The following TBR1 variants were observed in gnomAD, a reference collection of about 807,000 sequenced individuals.
The protein encoded by TBR1 is T-box brain protein 1.
TBR1 carries 7 observed loss-of-function variants against 60.3 expected under a neutral mutation model. That is an observed-to-expected ratio of 0.12 (90% CI 0.07 to 0.22). TBR1 has a LOEUF of 0.22. Ranked by LOEUF, TBR1 falls within the 10% of genes least tolerant of loss-of-function variation. The pLI is 1.00. For missense variants in TBR1, 616 were observed against 936.8 expected, an observed-to-expected ratio of 0.66 and a Z score of 4.47; for synonymous variants, 417 against 409.9, an observed-to-expected ratio of 1.02 and a Z score of -0.21.
At position 161,424,112 on chromosome 2, in the gene TBR1, C is replaced by A; in HGVS notation, c.1934C>A (p.Thr645Lys). The A allele has an allele frequency of 6.2e-7, 1 of 1,612,398 alleles. No individual in the cohort carries two copies. The highest frequency in any genetic ancestry group is 8.5e-7 in the Non-Finnish European group (1 of 1,179,534). ...CGGAGGCGGATCTCGCCGGCCGACA[C>A]GCCCGTGTCCGAGAGTTCGTCCCCG... ...AKRRRISPAD[T>K]PVSESSSPLK... Residue 645 changes from threonine (T) to lysine (K), a missense_variant, in exon 6 of 6, where the codon ACG becomes AAG. Physicochemically the swap from Thr to Lys is moderately conservative, Grantham distance 78. Around this residue, in one of 8 missense-constraint regions of TBR1, gnomAD observed 210 missense variants for 297.4 expected, o/e 0.71. Coordinates refer to ENST00000389554, the MANE Select transcript of TBR1 (RefSeq NM_006593.4). The surrounding 1 kb of genome is among the most constrained non-coding windows in gnomAD (Gnocchi z 4.4).
At chr2:161,421,851 TC>T (rs1211716478) in intron 5 of TBR1, 1 of 152,026 alleles carries the variant, frequency 6.6e-6, no homozygotes, top group Non-Finnish European at 1.5e-5. Flanking sequence ...CACATGCCCC[TC>T]CTCCTCTGGC....
chr2:161,420,970 CCTTTT>C (rs1436345391), intron 5 of TBR1: 3 of 152,186 alleles, frequency 2.0e-5, no homozygotes, highest in Non-Finnish European at 4.4e-5. Context: ...ATGCTGGTGC[CCTTTT>C]CTTTAGGCCT....
intron 5 of TBR1, chr2:161,422,695 T>A (rs1016035850): frequency 3.3e-5 from 5 of 152,188 alleles, no homozygotes; most frequent in Non-Finnish European, 5.9e-5. Context: ...TTAGTAGAGG[T>A]GGGAGTGAAA....
chr2:161,419,157 A>G, intron 4 of TBR1, 107 bp downstream of exon 4: 3 of 1,529,000 alleles, frequency 2.0e-6, no homozygotes, highest in South Asian at 1.2e-5. Context: ...CGCTAACATC[A>G]GCAACAGCTG....
In TBR1 at chr2:161,417,587, C is replaced by T; in HGVS notation, c.693-89C>T. The T allele has an allele frequency of 2.7e-6, 4 of 1,497,642 alleles. No individual in the cohort carries two copies. Among genetic ancestry groups the T allele is most frequent in the Non-Finnish European group, 3.6e-6 (4 of 1,112,584 alleles). 92.8% of individuals were successfully genotyped at this position (1,497,642 alleles called of 1,614,324 possible). A position where few individuals can be genotyped will look rare whatever the true frequency, so the allele number is the denominator to read the frequency against. ...TGCTGCAAGTACAAGTTTTGCTTTG[C>T]TAACTGGCGCCCCGCTTCTTGCATT... On this transcript the variant is annotated intron_variant, in intron 1 of 5. Coordinates refer to ENST00000389554, the MANE Select transcript of TBR1 (RefSeq NM_006593.4). The surrounding 1 kb of genome is among the most constrained non-coding windows in gnomAD (Gnocchi z 5.3).
In TBR1 at chr2:161,416,708, T is replaced by G; in HGVS notation, c.298T>G (p.Ser100Ala). The change falls in exon 1 of 6, where the codon TCT becomes GCT. Residue 100 changes from serine (S) to alanine (A), a missense_variant. By Grantham distance (99) the Ser-to-Ala change is moderately conservative. Around this residue, in one of 8 missense-constraint regions of TBR1, gnomAD observed 211 missense variants for 268.7 expected, o/e 0.79. Coordinates refer to ENST00000389554, the MANE Select transcript of TBR1 (RefSeq NM_006593.4). This position sits in a 1 kb window ranked among gnomAD's most constrained non-coding sequence, Gnocchi z 6.1. ...VSELRHSFDG[S>A]AADRYLLSQS... ...TGAGCTTCGTCACAGTTTCGATGGC[T>G]CTGCTGCAGATCGCTACCTCCTCTC... 6.2e-7 allele frequency: 1 copy of G among 1,614,144 alleles called. No individual in the cohort carries two copies.
In TBR1 at chr2:161,424,122, C is replaced by A; in HGVS notation, c.1944C>A (p.Ser648=). 6.2e-7 allele frequency: 1 copy of A among 1,612,608 alleles called. No individual in the cohort carries two copies. The highest frequency in any genetic ancestry group is 1.1e-5 in the South Asian group (1 of 90,686). The change falls in exon 6 of 6, where the codon TCC becomes TCA. Residue 648 remains serine (S), a synonymous_variant. Transcript: ENST00000389554. The surrounding 1 kb of genome is among the most constrained non-coding windows in gnomAD (Gnocchi z 4.4). ...RRISPADTPV[S]ESSSPLKSEV... is the part of the protein sequence containing the mutation. ...TCTCGCCGGCCGACACGCCCGTGTC[C>A]GAGAGTTCGTCCCCGCTCAAGAGCG...
In TBR1 at chr2:161,416,584, G is replaced by C; in HGVS notation, c.174G>C (p.Gly58=). The change falls in exon 1 of 6, where the codon GGG becomes GGC. Residue 58 remains glycine (G), a synonymous_variant. Transcript: ENST00000389554. The surrounding 1 kb of genome is among the most constrained non-coding windows in gnomAD (Gnocchi z 6.1). ...CACCTTTGAAAAAAATTACCAGGGG[G>C]ATGACGAATCAGTCAGATACAGACA... ...RSSPLKKITR[G]MTNQSDTDNF... The C allele has an allele frequency of 6.2e-7, 1 of 1,614,130 alleles. No individual in the cohort carries two copies. The highest frequency in any genetic ancestry group is 1.3e-5 in the African/African-American group (1 of 75,024).
chr2:161,420,147 G>A, intron 4 of TBR1, 49 bp from the exon 5 acceptor site: 1 of 1,511,558 alleles, frequency 6.6e-7, no homozygotes, highest in Non-Finnish European at 9.2e-7. Context: ...CAAACACCCA[G>A]TCTTCACGTA....
rs770604028 is a variant in TBR1 at position 161,416,605 on chromosome 2, A to T, written c.195A>T (p.Thr65=). The T allele has an allele frequency of 6.2e-7, 1 of 1,614,200 alleles. No homozygotes were observed. The highest frequency in any genetic ancestry group is 1.3e-5 in the African/African-American group (1 of 75,054). ...ITRGMTNQSD[T]DNFPDSKDSP... Reference sequence around the variant, plus strand: ...GGGGGATGACGAATCAGTCAGATACAGACAATTTTCCTGACTCCAAGGACT... The same window carrying T: ...GGGGGATGACGAATCAGTCAGATACTGACAATTTTCCTGACTCCAAGGACT... Residue 65 remains threonine (T), a synonymous_variant, in exon 1 of 6, where the codon ACA becomes ACT. Transcript: ENST00000389554. The surrounding 1 kb of genome is among the most constrained non-coding windows in gnomAD (Gnocchi z 6.1).
At chr2:161,421,615 A>G (rs1268702245) in intron 5 of TBR1, 1 of 152,232 alleles carries the variant, frequency 6.6e-6, no homozygotes, top group Non-Finnish European at 1.5e-5. Flanking sequence ...CAATTCAGTA[A>G]TCCCAAGTGG....
At chr2:161,419,721 T>C (rs912179391) in intron 4 of TBR1, 1 of 152,418 alleles carries the variant, frequency 6.6e-6, no homozygotes, top group Non-Finnish European at 1.5e-5. Flanking sequence ...TAAATGATAA[T>C]ATCAGAAATT....
intron 5 of TBR1, 158 bp downstream of exon 5, chr2:161,420,415 CTTCTTTTTTT>C (rs775914618): frequency 6.9e-5 from 13 of 188,798 alleles, no homozygotes; most frequent in South Asian, 1.4e-4. Flanking sequence ...TCTTCTTCCT[CTTCTTTTTTT>C]TTTTTTTTTT....
rs1434154343 is a variant in TBR1 at position 161,417,112 on chromosome 2, C to T, written c.692+10C>T. ...TCACCAAACAGGGAAGGTAATACTA[C>T]ATTTTTGGCTGCCGCTGCTCTAGGC... is the stretch of plus-strand genomic sequence containing the variant. On this transcript the variant is annotated intron_variant, in intron 1 of 5. Transcript: ENST00000389554. The surrounding 1 kb of genome is among the most constrained non-coding windows in gnomAD (Gnocchi z 5.3). 4 of 1,571,040 alleles carry T rather than the reference C, an allele frequency of 2.5e-6. No individual in the cohort carries two copies. The highest frequency in any genetic ancestry group is 1.8e-5 in the Admixed American group (1 of 54,746).
Position 161,423,516 on chromosome 2 carries a change from C to A in TBR1, c.1338C>A (p.His446Gln). 6.3e-7 allele frequency: 1 copy of A among 1,586,110 alleles called. No individual in the cohort carries two copies. Among genetic ancestry groups the A allele is most frequent in the Non-Finnish European group, 8.6e-7 (1 of 1,168,540 alleles). ...FVSNYAKARF[H>Q]PGAGAGPGPG... ...GCAACTACGCCAAGGCCCGCTTCCA[C>A]CCGGGCGCGGGCGCGGGCCCCGGGC... Residue 446 changes from histidine (H) to glutamine (Q), a missense_variant, in exon 6 of 6, where the codon CAC becomes CAA. By Grantham distance (24) the His-to-Gln change is conservative. Transcript: ENST00000389554.
chr2:161,418,669 C>CT (rs886079236), intron 3 of TBR1: 22 of 635,978 alleles, frequency 3.5e-5, no homozygotes, highest in African/African-American at 1.2e-4. Flanking sequence ...CGGCTTCCCC[C>CT]TTTTTTCCGG....
At position 161,418,157 on chromosome 2, in the gene TBR1, G is replaced by A. The variant is rs200192739; in HGVS notation, c.848-44G>A. ...CCTACGTGGTGAGGAGCTGGGACTG[G>A]GCAGTGCCAGGGGCATATGTAAACA... On this transcript the variant is annotated intron_variant, in intron 2 of 5. Coordinates refer to ENST00000389554, the MANE Select transcript of TBR1 (RefSeq NM_006593.4). 5 of 1,583,546 alleles carry A rather than the reference G, an allele frequency of 3.2e-6. No homozygotes were observed. In the African/African-American group the frequency reaches 6.7e-5, roughly 21 times the overall value.
rs991945915 is a variant in TBR1, at chr2:161,424,260, C to G, written c.*33C>G. On this transcript the variant is annotated 3_prime_UTR_variant, in exon 6 of 6. Coordinates refer to ENST00000389554, the MANE Select transcript of TBR1 (RefSeq NM_006593.4). This position sits in a 1 kb window ranked among gnomAD's most constrained non-coding sequence, Gnocchi z 4.4. The stretch of plus-strand genomic sequence containing the variant: ...CTGCCCGCCCGGCCCCGCCGCGGCC[C>G]GGACCCCCAGCCAGCCCCTCACAGC... The G allele has an allele frequency of 5.3e-6, 8 of 1,517,542 alleles. No homozygotes were observed. The East Asian group carries it at 7.3e-5, about 14-fold the overall frequency. The allele number at this position is 1,517,542 out of a possible 1,614,324, so 94.0% of individuals were successfully genotyped here.
At position 161,423,734 on chromosome 2, in the gene TBR1, C is replaced by G; in HGVS notation, c.1556C>G (p.Ala519Gly). Residue 519 changes from alanine (A) to glycine (G), a missense_variant, in exon 6 of 6, where the codon GCG (alanine) becomes GGG (glycine). By Grantham distance (60) the Ala-to-Gly change is moderately conservative. This residue lies in a region of TBR1 where 210 missense variants were observed against 297.4 expected (regional missense o/e 0.71). Coordinates refer to ENST00000389554, the MANE Select transcript of TBR1 (RefSeq NM_006593.4). ...NAATLLSYAA[A>G]GVKALPLQAA... ...GCCACGCTGCTCTCTTACGCGGCGGCGGGCGTGAAGGCGCTGCCGCTGCAG... is the reference window on the plus strand; with the variant it reads ...GCCACGCTGCTCTCTTACGCGGCGGGGGGCGTGAAGGCGCTGCCGCTGCAG... 6.6e-7 allele frequency: 1 copy of G among 1,518,018 alleles called. No homozygotes were observed. The highest frequency in any genetic ancestry group is 8.8e-7 in the Non-Finnish European group (1 of 1,140,828). The allele number at this position is 1,518,018 out of a possible 1,614,324, so 94.0% of individuals were successfully genotyped here.
Sources: allele counts gnomAD v4.1 joint callset, GRCh38; gene constraint gnomAD v4.1.1; regional missense constraint gnomAD v4.1.1; non-coding constraint Gnocchi (gnomAD v3.1); transcripts MANE v1.5; gene names NCBI Gene and HGNC (gene_info 2026-07-23, HGNC 2026-07-21).